Variants in AKAP4 observed in about 807,000 individuals in gnomAD.
AKAP4 encodes the protein A-kinase anchoring protein 4, also known as A-kinase anchor protein 4.
Under a neutral mutation model 42.6 loss-of-function variants are expected in AKAP4, and 4 were observed. That is an observed-to-expected ratio of 0.09 (90% CI 0.05 to 0.22). The LOEUF (loss-of-function observed/expected upper bound fraction) is 0.22, where lower values mean the gene tolerates loss of function less well. AKAP4 is among the 10% of genes least tolerant of loss of function. AKAP4 has a pLI of 1.00. For synonymous variants in AKAP4, 223 were observed against 233.0 expected, an observed-to-expected ratio of 0.96 and a Z score of 0.39; for missense variants, 551 against 630.7, an observed-to-expected ratio of 0.87 and a Z score of 1.35.
Position 50,192,304 on chromosome X carries a change from C to A in AKAP4, c.2409G>T (p.Lys803Asn). 3.4e-6 allele frequency: 4 copies of A among 1,184,204 alleles called. No individual in the cohort carries two copies. The highest frequency in any genetic ancestry group is 4.5e-6 in the Non-Finnish European group (4 of 882,388). Residue 803 changes from lysine (K) to asparagine (N), a missense_variant and splice_region_variant, in exon 5 of 6, where the codon AAG (lysine) becomes AAT (asparagine). By Grantham distance (94) the Lys-to-Asn change is moderately conservative. Coordinates refer to ENST00000358526, the MANE Select transcript of AKAP4 (RefSeq NM_003886.3). ...FMGDKDGQLE[K>N]LPQVSAKAAE... ...TCTTGTGCCTTAATGCATTACTTAC[C>A]TTTTCCAGTTGTCCATCCTTATCTC... is the stretch of plus-strand genomic sequence containing the variant.
At chrX:50,191,143 T>A in intron 5 of AKAP4, 28 bp from the exon 6 acceptor site, 1 of 1,200,035 alleles carries the variant, frequency 8.3e-7, no homozygotes. Context: ...CTAGTGTGAG[T>A]TGCGTGATGC....
chrX:50,199,631 G>A (rs1049551626), intron 1 of AKAP4, among the ~76,000 whole-genome samples: 4 of 111,035 alleles, frequency 3.6e-5, no homozygotes, highest in Non-Finnish European at 5.7e-5. Context: ...TAAGAGCTCA[G>A]TAGACTTGTT....
chrX:50,195,250 TTA>T (rs1557204244), intron 4 of AKAP4, among the ~76,000 whole-genome samples: 1 of 112,089 alleles, frequency 8.9e-6, no homozygotes, highest in African/African-American at 3.2e-5. Context: ...TATGTTATAT[TTA>T]TATGTTATGT....
Position 50,194,296 on chromosome X carries a change from T to C in AKAP4, c.417A>G (p.Lys139=). The change falls in exon 5 of 6, where the codon AAA becomes AAG. Residue 139 remains lysine, a synonymous_variant. Coordinates refer to ENST00000358526, the MANE Select transcript of AKAP4 (RefSeq NM_003886.3). The part of the protein sequence containing the change: ...LSPSTSTCKH[K]VGDTEGEYHR... ...GATATTCGCCCTCTGTGTCTCCTAC[T>C]TTATGTTTACAGGTAGAGGTTGAGG... The C allele has an allele frequency of 8.3e-7, 1 of 1,209,741 alleles. No homozygotes were observed. The highest frequency in any genetic ancestry group is 1.1e-6 in the Non-Finnish European group (1 of 894,938).
rs1557203896 is a variant in AKAP4 at position 50,193,050 on chromosome X, G to A, written c.1663C>T (p.His555Tyr). The A allele has an allele frequency of 1.7e-6, 2 of 1,211,752 alleles. No individual in the cohort carries two copies. Among genetic ancestry groups the A allele is most frequent in the South Asian group, 3.5e-5 (2 of 56,965 alleles). The part of the protein sequence containing the change: ...IVSALKLIQY[H>Y]LTQQTKGKDT... ...TTGCCCTTAGTCTGCTGGGTCAGAT[G>A]GTACTGGATCAGCTTAAGGGCAGAG... is the stretch of plus-strand genomic sequence containing the variant. The change falls in exon 5 of 6, where the codon CAT becomes TAT. Residue 555 changes from histidine (H) to tyrosine (Y), a missense_variant. Physicochemically the swap from His to Tyr is moderately conservative, Grantham distance 83. Transcript: ENST00000358526.
chrX:50,191,332 T>TG (rs1569541702), intron 5 of AKAP4, among the ~76,000 whole-genome samples: 1 of 111,413 alleles, frequency 9.0e-6, no homozygotes, highest in African/African-American at 3.3e-5. Flanking sequence ...ACTTCTCTAA[T>TG]GACATAGATC....
At chrX:50,197,425 C>T in intron 3 of AKAP4, 119 bp downstream of exon 3, 1 of 589,069 alleles carries the variant, frequency 1.7e-6, no homozygotes, top group Non-Finnish European at 2.6e-6. Flanking sequence ...CTGGCTTTCC[C>T]CCTGAGTCCC....
chrX:50,192,638 G>A lies in AKAP4; in HGVS notation c.2075C>T (p.Ala692Val), dbSNP rs782127705. Residue 692 changes from alanine (A) to valine (V), a missense_variant, in exon 5 of 6, where the codon GCG (alanine) becomes GTG (valine). By Grantham distance (64) the Ala-to-Val change is moderately conservative. Transcript: ENST00000358526. ...ELDCTSGMKQANGQFIDKLVE... is the reference protein window; with the variant it reads ...ELDCTSGMKQVNGQFIDKLVE... ...TAGTTTATCTATAAATTGCCCGTTCGCTTGCTTCATCCCACTGGTACAGTC... is the reference window on the plus strand; with the variant it reads ...TAGTTTATCTATAAATTGCCCGTTCACTTGCTTCATCCCACTGGTACAGTC... 8.3e-6 allele frequency: 10 copies of A among 1,209,505 alleles called. No individual in the cohort carries two copies. In the Admixed American group the frequency reaches 1.8e-4, roughly 21 times the overall value.
At chrX:50,200,787 C>G in intron 1 of AKAP4, 76 bp downstream of exon 1, 1 of 1,000,874 alleles carries the variant, frequency 1.0e-6, no homozygotes. Flanking sequence ...TGGAGGCTGC[C>G]TCAGCAGCTT....
rs782799515 is a variant in AKAP4 at position 50,193,968 on chromosome X, G to A, written c.745C>T (p.His249Tyr). Residue 249 changes from histidine to tyrosine, a missense_variant, in exon 5 of 6, where the codon CAT (histidine) becomes TAT (tyrosine). Coordinates refer to ENST00000358526, the MANE Select transcript of AKAP4 (RefSeq NM_003886.3). The part of the protein sequence containing the change: ...KLEGKSKCLH[H>Y]SICPSPGNKE... ...TTCCCAGGGGATGGACAGATTGAAT[G>A]ATGAAGGCATTTGCTTTTACCTTCC... 4 of 1,209,436 alleles carry A rather than the reference G, an allele frequency of 3.3e-6. No homozygotes were observed. The highest frequency in any genetic ancestry group is 4.5e-6 in the Non-Finnish European group (4 of 894,936).
Position 50,197,598 on chromosome X carries a change from C to T in AKAP4, c.124-4G>A, listed in dbSNP as rs782145686. ...TGGACACATCGACAAAGCATATCTG[C>T]ATCAAATTAGAAGGGTGAATTTAGA... On this transcript the variant is annotated splice_region_variant and splice_polypyrimidine_tract_variant and intron_variant, in intron 2 of 5. Coordinates refer to ENST00000358526, the MANE Select transcript of AKAP4 (RefSeq NM_003886.3). 1.7e-6 allele frequency: 2 copies of T among 1,200,092 alleles called. No homozygotes were observed. The highest frequency in any genetic ancestry group is 1.8e-5 in the African/African-American group (1 of 56,920).
Position 50,190,804 on chromosome X carries a change from A to T in AKAP4, c.*156T>A. On this transcript the variant is annotated 3_prime_UTR_variant, in exon 6 of 6. Transcript: ENST00000358526. ...ATTATTTTTTTTTATTTTATTTCCC[A>T]GTTTGTTGACACCTCTTACATTCAC... 2.1e-6 allele frequency: 1 copy of T among 474,294 alleles called. No individual in the cohort carries two copies. 39.1% of individuals were successfully genotyped at this position (474,294 alleles called of 1,213,427 possible). A position where few individuals can be genotyped will look rare whatever the true frequency, so the allele number is the denominator to read the frequency against.
At chrX:50,200,245 C>T in intron 1 of AKAP4, 1 of 751,986 alleles carries the variant, frequency 1.3e-6, no homozygotes, top group Admixed American at 8.8e-5. Flanking sequence ...TGATGAAGTT[C>T]TTTTAGATGT....
chrX:50,192,248 G>T, intron 5 of AKAP4, 56 bp downstream of exon 5: 1 of 998,531 alleles, frequency 1.0e-6, no homozygotes, highest in Non-Finnish European at 1.3e-6. Context: ...GTACAATGCT[G>T]CCTCCCTGCC....
intron 1 of AKAP4, among the ~76,000 whole-genome samples, chrX:50,199,586 C>T (rs17332716): frequency 0.2 from 21,860 of 110,813 alleles, 2,011 homozygotes; most frequent in East Asian, 0.41. Context: ...ATTTTTGCTA[C>T]GTAAGACCTG....
chrX:50,192,661 G>C lies in AKAP4; in HGVS notation c.2052C>G (p.Asp684Glu). The C allele has an allele frequency of 1.7e-6, 2 of 1,211,800 alleles. No homozygotes were observed. Among genetic ancestry groups the C allele is most frequent in the Non-Finnish European group, 2.2e-6 (2 of 895,558 alleles). ...EEQCQEHQEL[D>E]CTSGMKQANG... ...TCGCTTGCTTCATCCCACTGGTACA[G>C]TCAAGTTCTTGATGCTCCTGGCATT... Residue 684 changes from aspartate to glutamate, a missense_variant, in exon 5 of 6, where the codon GAC (aspartate) becomes GAG (glutamate). Physicochemically the swap from Asp to Glu is conservative, Grantham distance 45. Transcript: ENST00000358526.
At chrX:50,195,499 G>A (rs1221114160) in intron 4 of AKAP4, among the ~76,000 whole-genome samples, 9 of 111,988 alleles carry the variant, frequency 8.0e-5, no homozygotes, top group Admixed American at 7.5e-4. Context: ...CAATAACTGA[G>A]TCTGTATGGT....
intron 4 of AKAP4, 76 bp downstream of exon 4, chrX:50,196,815 G>T: frequency 1.4e-6 from 1 of 728,983 alleles, no homozygotes; most frequent in Non-Finnish European, 2.1e-6. Flanking sequence ...GTCTTACCAT[G>T]TCTGATCCAG....
chrX:50,197,561 C>T lies in AKAP4; in HGVS notation c.157G>A (p.Glu53Lys). 1 of 1,207,413 alleles carries T rather than the reference C, an allele frequency of 8.3e-7. No homozygotes were observed. The highest frequency in any genetic ancestry group is 3.0e-5 in the East Asian group (1 of 33,715). ...CFVDVSTLNV[E>K]DKDYKDAASS... The stretch of plus-strand genomic sequence containing the variant: ...ATACGCACCTTGTAATCTTTATCTT[C>T]TACATTCAGGGTGGACACATCGACA... Residue 53 changes from glutamate to lysine, a missense_variant, in exon 3 of 6, where the codon GAA (glutamate) becomes AAA (lysine). By Grantham distance (56) the Glu-to-Lys change is moderately conservative. Coordinates refer to ENST00000358526, the MANE Select transcript of AKAP4 (RefSeq NM_003886.3).
Sources: gnomAD v4.1 joint callset for allele counts (sites outside exome capture counted in the v4.1 genomes callset) on GRCh38, gnomAD v4.1.1 for gene constraint, MANE v1.5 for transcripts, NCBI Gene and HGNC (gene_info 2026-07-23, HGNC 2026-07-21) for gene names.